The following FER variants were observed in gnomAD, a reference collection of about 807,000 sequenced individuals.
FER encodes the protein tyrosine-protein kinase Fer.
Under a neutral mutation model 111.0 loss-of-function variants are expected in FER, and 63 were observed. The ratio of observed to expected loss-of-function variants is 0.57; its 90% CI spans 0.46 to 0.70. The LOEUF (loss-of-function observed/expected upper bound fraction) is 0.70. Among genes scored for constraint, FER ranks in the 30% least tolerant of loss-of-function variants. The probability of loss-of-function intolerance (pLI) is 0.00; values close to 1 mark genes in which losing one functional copy is unlikely to be tolerated. For synonymous variants in FER, 327 were observed against 313.9 expected (o/e 1.04, Z -0.44); for missense variants, 914 against 954.0 (o/e 0.96, Z 0.55).
At chr5:108,828,515 G>A (rs994788217) in intron 3 of FER, among the ~76,000 whole-genome samples, 7 of 152,170 alleles carry the variant, frequency 4.6e-5, no homozygotes, top group African/African-American at 1.7e-4. Context: ...TTAATGTTTT[G>A]TAGCTCTTTT....
chr5:108,985,331 T>C (rs1762441875), intron 13 of FER, among the ~76,000 whole-genome samples: 1 of 152,210 alleles, frequency 6.6e-6, no homozygotes, highest in African/African-American at 2.4e-5. Flanking sequence ...TAAATAGTAA[T>C]ATAAATTGTT....
intron 5 of FER, among the ~76,000 whole-genome samples, chr5:108,865,600 A>G (rs184141982): frequency 7.4e-4 from 113 of 152,318 alleles, no homozygotes; most frequent in Middle Eastern, 3.4e-3. Context: ...TAATTAAACT[A>G]AAGAGCTTCT....
intron 2 of FER, among the ~76,000 whole-genome samples, chr5:108,770,208 A>G (rs545614057): frequency 9.9e-5 from 15 of 152,204 alleles, no homozygotes; most frequent in Non-Finnish European, 8.8e-5. Flanking sequence ...TTGGTGTCCC[A>G]AAGTGCCGGG....
intron 5 of FER, among the ~76,000 whole-genome samples, chr5:108,838,205 A>G (rs771854360): frequency 9.2e-5 from 14 of 152,132 alleles, no homozygotes; most frequent in Non-Finnish European, 1.9e-4. Flanking sequence ...ATGAGCTGTA[A>G]TGGCAAATTT....
chr5:109,143,346 T>C (rs1316091348), intron 17 of FER, among the ~76,000 whole-genome samples: 2 of 152,144 alleles, frequency 1.3e-5, no homozygotes, highest in Non-Finnish European at 2.9e-5. Flanking sequence ...AAAAGATAGA[T>C]TGTCTAATCA....
intron 17 of FER, among the ~76,000 whole-genome samples, chr5:109,132,095 T>C (rs1202382011): frequency 6.6e-6 from 1 of 152,020 alleles, no homozygotes; most frequent in African/African-American, 2.4e-5. Flanking sequence ...TTATTATCTT[T>C]TCTAAAGAAA....
At chr5:108,761,163 C>T (rs1412770973) in intron 1 of FER, among the ~76,000 whole-genome samples, 1 of 152,114 alleles carries the variant, frequency 6.6e-6, no homozygotes. Flanking sequence ...CCCCTGGCCT[C>T]GTGGTCCCCC....
intron 17 of FER, among the ~76,000 whole-genome samples, chr5:109,136,232 G>A (rs138026347): frequency 0.01 from 1,580 of 152,086 alleles, 22 homozygotes; most frequent in African/African-American, 0.036. Flanking sequence ...GGCAGAGGTT[G>A]CAATGAGCTG....
chr5:108,841,432 A>G (rs1175641642), intron 5 of FER, among the ~76,000 whole-genome samples: 2 of 152,180 alleles, frequency 1.3e-5, no homozygotes, highest in African/African-American at 4.8e-5. Flanking sequence ...AGGAAATAAT[A>G]TATTTTTAAA....
intron 17 of FER, among the ~76,000 whole-genome samples, chr5:109,142,929 A>G (rs922366740): frequency 2.0e-5 from 3 of 152,124 alleles, no homozygotes; most frequent in South Asian, 2.1e-4. Flanking sequence ...TACCTCTTCA[A>G]TGTTAGGGAG....
intron 14 of FER, among the ~76,000 whole-genome samples, chr5:109,041,161 TAAATC>T (rs1452267771): frequency 6.6e-6 from 1 of 152,174 alleles, no homozygotes; most frequent in African/African-American, 2.4e-5. Context: ...AATTTAAAGT[TAAATC>T]AGTCAGCATG....
intron 13 of FER, among the ~76,000 whole-genome samples, chr5:108,965,415 G>T (rs902553899): frequency 1.7e-4 from 26 of 151,940 alleles, no homozygotes; most frequent in African/African-American, 2.4e-5. Flanking sequence ...AGCATTTTTC[G>T]CAGGACAGAT....
At chr5:108,985,251 G>T (rs899144434) in intron 13 of FER, among the ~76,000 whole-genome samples, 3 of 152,072 alleles carry the variant, frequency 2.0e-5, no homozygotes, top group Non-Finnish European at 2.9e-5. Context: ...GCTCTGAATA[G>T]ATTTTATTTT....
At chr5:108,752,664 G>T (rs1472908807) in intron 1 of FER, among the ~76,000 whole-genome samples, 1 of 151,936 alleles carries the variant, frequency 6.6e-6, no homozygotes, top group Admixed American at 6.5e-5. Context: ...TTTTTCTTTG[G>T]AATTCAAAGT....
At chr5:109,101,247 T>C (rs1411761927) in intron 17 of FER, among the ~76,000 whole-genome samples, 1 of 151,934 alleles carries the variant, frequency 6.6e-6, no homozygotes, top group Non-Finnish European at 1.5e-5. Flanking sequence ...CACAATGAAG[T>C]GGAGAACTGA....
intron 17 of FER, among the ~76,000 whole-genome samples, chr5:109,123,469 GT>G (rs975650511): frequency 7.3e-5 from 11 of 150,040 alleles, no homozygotes; most frequent in Non-Finnish European, 1.3e-4. Flanking sequence ...TTTTTTGTTG[GT>G]TTTTTTTTAG....
chr5:109,137,994 A>G (rs565159885), intron 17 of FER, among the ~76,000 whole-genome samples: 22 of 152,188 alleles, frequency 1.4e-4, no homozygotes, highest in Admixed American at 8.5e-4. Flanking sequence ...TAACTAATGC[A>G]CTGGTTTGGT....
chr5:109,030,478 A>G (rs1440466770), intron 13 of FER, among the ~76,000 whole-genome samples: 1 of 152,202 alleles, frequency 6.6e-6, no homozygotes, highest in Non-Finnish European at 1.5e-5. Context: ...TTTAGCAGGT[A>G]GGGCCTGGCC....
At chr5:109,051,794 A>C (rs201030659) in intron 16 of FER, 7 of 1,596,404 alleles carry the variant, frequency 4.4e-6, no homozygotes, top group Non-Finnish European at 6.0e-6. Context: ...ATGATATTCA[A>C]GGCCAGGGAC....
Sources: allele counts gnomAD v4.1 joint callset (sites outside exome capture counted in the v4.1 genomes callset), GRCh38; gene constraint gnomAD v4.1.1; transcripts MANE v1.5; gene names NCBI Gene and HGNC (gene_info 2026-07-23, HGNC 2026-07-21).